The following MRPL48 variants were observed in gnomAD, a reference collection of about 807,000 sequenced individuals.
MRPL48 encodes large ribosomal subunit protein mL48.
In MRPL48, 16 loss-of-function variants were observed where a neutral mutation model predicts 32.9. The observed-to-expected ratio is 0.49, with a 90% CI of 0.33 to 0.74. The LOEUF (loss-of-function observed/expected upper bound fraction) is 0.74, where lower values mean the gene tolerates loss of function less well. Ranked by LOEUF, MRPL48 falls within the 30% of genes least tolerant of loss-of-function variation. MRPL48 has a pLI of 0.02. For missense variants in MRPL48, 206 were observed against 245.3 expected, an observed-to-expected ratio of 0.84 and a Z score of 1.07; for synonymous variants, 94 against 89.2, an observed-to-expected ratio of 1.05 and a Z score of -0.31.
At chr11:73,858,278 A>G (rs1948520909) in intron 5 of MRPL48, among the ~76,000 whole-genome samples, 1 of 152,234 alleles carries the variant, frequency 6.6e-6, no homozygotes, top group East Asian at 1.9e-4. Context: ...AATTTGCAAT[A>G]TCTTGCATTT....
At chr11:73,826,766 T>G (rs1007739760) in intron 4 of MRPL48, among the ~76,000 whole-genome samples, 5 of 149,900 alleles carry the variant, frequency 3.3e-5, no homozygotes, top group Admixed American at 1.3e-4. Flanking sequence ...TGATTCTTAC[T>G]GTATTTTCTT....
rs60487072 is a variant in MRPL48, at chr11:73,819,013, T to A, written c.113-6695T>A. Among the ~76,000 whole-genome samples the A allele has an allele frequency of 6.9e-3, 1,045 of 152,344 alleles. 10 individuals are homozygous for A. The highest frequency in any genetic ancestry group is 0.022 in the African/African-American group (904 of 41,578). The stretch of plus-strand genomic sequence containing the variant: ...CTCTCAGGAGGCTGCAATGTTAATG[T>A]GACAGCAGGAAACCCACTTATTGAC... On this transcript the variant is annotated intron_variant, in intron 3 of 7. Coordinates refer to ENST00000310614, the MANE Select transcript of MRPL48 (RefSeq NM_016055.6).
At chr11:73,810,854 A>G (rs1187032761) in intron 3 of MRPL48, among the ~76,000 whole-genome samples, 1 of 152,138 alleles carries the variant, frequency 6.6e-6, no homozygotes, top group Non-Finnish European at 1.5e-5. Context: ...CCTGCAAAGG[A>G]TATATTAAGC....
intron 4 of MRPL48, among the ~76,000 whole-genome samples, chr11:73,828,046 C>G (rs1947929999): frequency 6.6e-6 from 1 of 151,880 alleles, no homozygotes; most frequent in South Asian, 2.1e-4. Context: ...GAAGAGAGTC[C>G]ATAGTTTTTA....
At chr11:73,862,812 C>T (rs751694794) in intron 6 of MRPL48, among the ~76,000 whole-genome samples, 3 of 151,576 alleles carry the variant, frequency 2.0e-5, no homozygotes, top group African/African-American at 4.9e-5. Flanking sequence ...CCCAACTACT[C>T]GGAGGCTGAG....
intron 3 of MRPL48, among the ~76,000 whole-genome samples, chr11:73,815,565 C>G (rs1017513162): frequency 2.6e-5 from 4 of 152,066 alleles, no homozygotes; most frequent in African/African-American, 9.6e-5. Flanking sequence ...CACAGCTCAC[C>G]GCAGTCTTGA....
chr11:73,849,205 C>T (rs1948346946), intron 5 of MRPL48, among the ~76,000 whole-genome samples: 1 of 152,140 alleles, frequency 6.6e-6, no homozygotes, highest in Admixed American at 6.5e-5. Flanking sequence ...GGCGCAATCT[C>T]GGCTGACTGC....
At chr11:73,832,114 G>A (rs1948008010) in intron 4 of MRPL48, among the ~76,000 whole-genome samples, 1 of 152,120 alleles carries the variant, frequency 6.6e-6, no homozygotes, top group African/African-American at 2.4e-5. Context: ...AGATGTGGAA[G>A]GATGAAATGG....
At chr11:73,825,554 A>G (rs1710116277) in intron 3 of MRPL48, among the ~76,000 whole-genome samples, 154 bp from the exon 4 acceptor site, 1 of 152,016 alleles carries the variant, frequency 6.6e-6, no homozygotes, top group African/African-American at 2.4e-5. Context: ...GGGCTGAGGC[A>G]GGAGACTGTC....
chr11:73,835,185 A>C (rs1406743086), intron 4 of MRPL48, among the ~76,000 whole-genome samples: 2 of 124,592 alleles, frequency 1.6e-5, no homozygotes, highest in Non-Finnish European at 1.6e-5. Flanking sequence ...CTCTGTCACC[A>C]GGCTGGAGTG....
chr11:73,799,426 C>T (rs1488477819), intron 1 of MRPL48, among the ~76,000 whole-genome samples: 1 of 152,010 alleles, frequency 6.6e-6, no homozygotes, highest in Non-Finnish European at 1.5e-5. Flanking sequence ...ATGTAATAGC[C>T]GACTTGCTTT....
At chr11:73,856,154 C>T (rs1381148804) in intron 5 of MRPL48, among the ~76,000 whole-genome samples, 1 of 152,120 alleles carries the variant, frequency 6.6e-6, no homozygotes, top group Non-Finnish European at 1.5e-5. Context: ...TGCTTTTTGC[C>T]TCTTTGCTGG....
chr11:73,839,018 TAGGAGGA>T (rs1948147582), intron 4 of MRPL48, among the ~76,000 whole-genome samples: 1 of 152,218 alleles, frequency 6.6e-6, no homozygotes, highest in Non-Finnish European at 1.5e-5. Context: ...CTGTGCTAGA[TAGGAGGA>T]ATATAAAGTG....
At chr11:73,823,762 A>G (rs989300788) in intron 3 of MRPL48, among the ~76,000 whole-genome samples, 6 of 150,340 alleles carry the variant, frequency 4.0e-5, no homozygotes, top group African/African-American at 1.5e-4. Flanking sequence ...GTCTCAAGCA[A>G]TCCTCCTGCC....
chr11:73,807,800 G>C (rs1292948762), intron 2 of MRPL48, among the ~76,000 whole-genome samples: 1 of 151,800 alleles, frequency 6.6e-6, no homozygotes, highest in African/African-American at 2.4e-5. Context: ...ACCAAACCCG[G>C]GTAATTTTTT....
At chr11:73,802,737 C>T (rs1947381734) in intron 1 of MRPL48, among the ~76,000 whole-genome samples, 1 of 150,672 alleles carries the variant, frequency 6.6e-6, no homozygotes, top group Non-Finnish European at 1.5e-5. Context: ...CTCATTCTGT[C>T]ACCCCAGGCC....
intron 4 of MRPL48, among the ~76,000 whole-genome samples, chr11:73,840,885 A>G (rs1252244422): frequency 6.6e-6 from 1 of 152,206 alleles, no homozygotes; most frequent in Non-Finnish European, 1.5e-5. Flanking sequence ...TGCAGCATGT[A>G]CAAAGGATCA....
At chr11:73,798,604 G>A (rs974748001) in intron 1 of MRPL48, among the ~76,000 whole-genome samples, 1 of 152,126 alleles carries the variant, frequency 6.6e-6, no homozygotes, top group African/African-American at 2.4e-5. Flanking sequence ...AGTTAGCAGT[G>A]TCTGAAAATG....
At chr11:73,801,361 C>T (rs1206593964) in intron 1 of MRPL48, among the ~76,000 whole-genome samples, 1 of 152,126 alleles carries the variant, frequency 6.6e-6, no homozygotes, top group African/African-American at 2.4e-5. Context: ...CTTCAAAGTA[C>T]ATAGCTAGTG....
Sources: gnomAD v4.1 joint callset for allele counts (sites outside exome capture counted in the v4.1 genomes callset) on GRCh38, gnomAD v4.1.1 for gene constraint, MANE v1.5 for transcripts, NCBI Gene and HGNC (gene_info 2026-07-23, HGNC 2026-07-21) for gene names.